The following MLLT3 variants were observed in gnomAD, a reference collection of about 807,000 sequenced individuals.
MLLT3 encodes MLLT3 super elongation complex subunit, also known as protein AF-9.
Under a neutral mutation model 53.2 loss-of-function variants are expected in MLLT3, and 4 were observed. The ratio of observed to expected loss-of-function variants is 0.08; its 90% CI spans 0.04 to 0.17. The LOEUF (loss-of-function observed/expected upper bound fraction) is 0.17, where lower values mean the gene tolerates loss of function less well. Ranked by LOEUF, MLLT3 falls within the 10% of genes least tolerant of loss-of-function variation. The pLI is 1.00. For synonymous variants in MLLT3, 283 were observed against 230.6 expected (o/e 1.23, Z -2.06); for missense variants, 569 against 684.0 (o/e 0.83, Z 1.87).
chr9:20,555,059 G>C (rs1054539387), intron 2 of MLLT3, among the ~76,000 whole-genome samples: 3 of 152,148 alleles, frequency 2.0e-5, no homozygotes, highest in African/African-American at 7.2e-5. Context: ...GTCGAATTAA[G>C]AAGTGTTTCG....
At chr9:20,572,775 T>A (rs1016938396) in intron 2 of MLLT3, among the ~76,000 whole-genome samples, 4 of 152,082 alleles carry the variant, frequency 2.6e-5, no homozygotes, top group Non-Finnish European at 5.9e-5. Context: ...GCCTGGGCAA[T>A]GGAGCAAGAC....
chr9:20,526,631 T>C (rs549579181), intron 2 of MLLT3, among the ~76,000 whole-genome samples: 1 of 152,204 alleles, frequency 6.6e-6, no homozygotes, highest in Admixed American at 6.5e-5. Flanking sequence ...TCTAGAAATA[T>C]TCTTGTACAT....
intron 4 of MLLT3, among the ~76,000 whole-genome samples, chr9:20,425,738 AT>A (rs1823124700): frequency 6.6e-6 from 1 of 152,106 alleles, no homozygotes; most frequent in Non-Finnish European, 1.5e-5. Context: ...GATGAAAAAA[AT>A]CTACAAATTA....
intron 2 of MLLT3, among the ~76,000 whole-genome samples, chr9:20,529,795 C>T (rs1818286652): frequency 6.8e-6 from 1 of 147,850 alleles, no homozygotes; most frequent in African/African-American, 2.5e-5. Context: ...GTCTCTAACG[C>T]CTGGCCTTTA....
chr9:20,514,150 T>C (rs1259106119), intron 2 of MLLT3, among the ~76,000 whole-genome samples: 1 of 152,216 alleles, frequency 6.6e-6, no homozygotes. Context: ...CGGATTTTCC[T>C]TGCAGTATGG....
intron 6 of MLLT3, 61 bp from the exon 7 acceptor site, chr9:20,363,666 T>C: frequency 6.5e-7 from 1 of 1,550,130 alleles, no homozygotes. Flanking sequence ...TTAGCCATAT[T>C]AGAAACAGGG....
At chr9:20,601,039 T>C (rs1476823127) in intron 2 of MLLT3, among the ~76,000 whole-genome samples, 1 of 152,234 alleles carries the variant, frequency 6.6e-6, no homozygotes, top group Non-Finnish European at 1.5e-5. Context: ...TGTTTGCTTT[T>C]TCTCTGCACC....
At chr9:20,439,185 C>A (rs1257963922) in intron 4 of MLLT3, among the ~76,000 whole-genome samples, 1 of 152,006 alleles carries the variant, frequency 6.6e-6, no homozygotes, top group Non-Finnish European at 1.5e-5. Flanking sequence ...GAAACCCCGA[C>A]TCTACCAAAA....
intron 2 of MLLT3, among the ~76,000 whole-genome samples, chr9:20,486,652 A>G (rs1264258832): frequency 6.6e-6 from 1 of 152,184 alleles, no homozygotes; most frequent in Non-Finnish European, 1.5e-5. Context: ...GCAAATTGGT[A>G]TCACCTCTTT....
At chr9:20,479,587 T>C (rs1228572919) in intron 2 of MLLT3, among the ~76,000 whole-genome samples, 1 of 152,170 alleles carries the variant, frequency 6.6e-6, no homozygotes, top group Non-Finnish European at 1.5e-5. Context: ...GGTTTCTAGT[T>C]CCAGCCTGCC....
chr9:20,344,838 A>G lies in MLLT3; in HGVS notation c.*1605T>C, dbSNP rs1820824727. 9.5e-6 allele frequency: 2 copies of G among 210,830 alleles called. No individual in the cohort carries two copies. Among genetic ancestry groups the G allele is most frequent in the Non-Finnish European group, 1.9e-5 (2 of 103,950 alleles). 13.1% of individuals were successfully genotyped at this position (210,830 alleles called of 1,614,324 possible). On this transcript the variant is annotated 3_prime_UTR_variant, in exon 11 of 11. Transcript: ENST00000380338. ...AGACACTAGTTAATCTCTGTATGAA[A>G]AGACAGCATCTGGCATGGGAACAAA...
rs558123376 is a variant in MLLT3 at position 20,472,076 on chromosome 9, T to C, written c.194-15290A>G. Among the ~76,000 whole-genome samples, 6 of 152,230 alleles carry C rather than the reference T, an allele frequency of 3.9e-5. No individual in the cohort carries two copies. In the South Asian group the frequency reaches 1.0e-3, roughly 26 times the overall value. On this transcript the variant is annotated intron_variant, in intron 2 of 10. Transcript: ENST00000380338. Reference sequence around the variant, plus strand: ...TCATGTTTTAGTTTAATGCTCTTATTATCTCTCCATGGCTTTAATTCTAGC... The same window carrying C: ...TCATGTTTTAGTTTAATGCTCTTATCATCTCTCCATGGCTTTAATTCTAGC...
At chr9:20,347,635 T>C (rs1401718502) in intron 10 of MLLT3, among the ~76,000 whole-genome samples, 2 of 152,188 alleles carry the variant, frequency 1.3e-5, no homozygotes, top group Non-Finnish European at 2.9e-5. Flanking sequence ...TGGACATGGA[T>C]GCTGTATCTG....
At chr9:20,479,679 T>C (rs1824614912) in intron 2 of MLLT3, among the ~76,000 whole-genome samples, 1 of 152,200 alleles carries the variant, frequency 6.6e-6, no homozygotes, top group Non-Finnish European at 1.5e-5. Context: ...AGTGATAGTA[T>C]CTGTCCTAGC....
intron 2 of MLLT3, among the ~76,000 whole-genome samples, chr9:20,490,334 TAC>T (rs1485488828): frequency 6.6e-6 from 1 of 152,242 alleles, no homozygotes; most frequent in Non-Finnish European, 1.5e-5. Flanking sequence ...TTTCTTCAGC[TAC>T]AGTCAGAGAG....
intron 2 of MLLT3, among the ~76,000 whole-genome samples, chr9:20,485,437 G>A (rs1223724818): frequency 6.6e-6 from 1 of 152,076 alleles, no homozygotes; most frequent in Admixed American, 6.5e-5. Context: ...ACATTATTTT[G>A]AGACCACTTT....
At chr9:20,478,718 G>A (rs1253554077) in intron 2 of MLLT3, among the ~76,000 whole-genome samples, 3 of 152,094 alleles carry the variant, frequency 2.0e-5, no homozygotes, top group South Asian at 4.2e-4. Context: ...GCTATGACCC[G>A]GGGCAAGTCA....
At chr9:20,489,035 A>G (rs1824882094) in intron 2 of MLLT3, among the ~76,000 whole-genome samples, 1 of 152,194 alleles carries the variant, frequency 6.6e-6, no homozygotes, top group Non-Finnish European at 1.5e-5. Flanking sequence ...TTTAGACAGT[A>G]TCTAAGTGTC....
chr9:20,468,505 G>A lies in MLLT3; in HGVS notation c.194-11719C>T, dbSNP rs563241746. Among the ~76,000 whole-genome samples, 9 of 152,238 alleles carry A rather than the reference G, an allele frequency of 5.9e-5. No homozygotes were observed. The East Asian group carries it at 1.7e-3, about 29-fold the overall frequency. On this transcript the variant is annotated intron_variant, in intron 2 of 10. Coordinates refer to ENST00000380338, the MANE Select transcript of MLLT3 (RefSeq NM_004529.4). Reference sequence around the variant, plus strand: ...TGAAAAAGCTTTAAGTAAGGCTTCCGAGGTTATGTACTAAAGCAGGAACAC... The same window carrying A: ...TGAAAAAGCTTTAAGTAAGGCTTCCAAGGTTATGTACTAAAGCAGGAACAC...
Sources: gnomAD v4.1 joint callset for allele counts (sites outside exome capture counted in the v4.1 genomes callset) on GRCh38, gnomAD v4.1.1 for gene constraint, MANE v1.5 for transcripts, NCBI Gene and HGNC (gene_info 2026-07-23, HGNC 2026-07-21) for gene names.